Variants in OPCML observed in about 807,000 individuals in gnomAD.
OPCML encodes opioid-binding protein/cell adhesion molecule.
OPCML carries 13 observed loss-of-function variants against 37.8 expected under a neutral mutation model. The observed-to-expected ratio is 0.34, with a 90% CI of 0.22 to 0.55. The LOEUF (loss-of-function observed/expected upper bound fraction) is 0.55. Among genes scored for constraint, OPCML ranks in the 20% least tolerant of loss-of-function variants. The pLI is 0.91. For synonymous variants in OPCML, 176 were observed against 168.8 expected (o/e 1.04, Z -0.33); for missense variants, 341 against 435.6 (o/e 0.78, Z 1.93).
chr11:132,763,677 CAG>C (rs1422438429), intron 2 of OPCML, among the ~76,000 whole-genome samples: 1 of 152,162 alleles, frequency 6.6e-6, no homozygotes, highest in East Asian at 1.9e-4. Flanking sequence ...AAAAAGAACG[CAG>C]ACAGACACAG....
At chr11:132,499,702 A>G (rs74506863) in intron 4 of OPCML, among the ~76,000 whole-genome samples, 5,248 of 152,288 alleles carry the variant, frequency 0.034, 298 homozygotes, top group African/African-American at 0.12. Context: ...ACTGGAAAAC[A>G]GAGATGTGCA....
chr11:132,821,785 C>A (rs1940002237), intron 2 of OPCML, among the ~76,000 whole-genome samples: 1 of 152,174 alleles, frequency 6.6e-6, no homozygotes. Flanking sequence ...CCCTTCCTCC[C>A]CTTCTCACCC....
intron 1 of OPCML, among the ~76,000 whole-genome samples, chr11:133,388,584 A>G (rs933452461): frequency 6.6e-6 from 1 of 152,220 alleles, no homozygotes; most frequent in Non-Finnish European, 1.5e-5. Context: ...AAGGGTGTTC[A>G]GCCAGGAATG....
chr11:132,892,432 G>A (rs942423383), intron 2 of OPCML, among the ~76,000 whole-genome samples: 3 of 152,134 alleles, frequency 2.0e-5, no homozygotes, highest in South Asian at 2.1e-4. Context: ...TAACTACATC[G>A]ATGTGCATTA....
chr11:133,486,725 G>A (rs950096078), intron 1 of OPCML, among the ~76,000 whole-genome samples: 9 of 152,006 alleles, frequency 5.9e-5, no homozygotes, highest in Admixed American at 2.0e-4. Flanking sequence ...GCCTCTTGCC[G>A]TCTCTACTCG....
chr11:132,566,275 T>C (rs1484877316), intron 3 of OPCML, among the ~76,000 whole-genome samples: 2 of 152,260 alleles, frequency 1.3e-5, no homozygotes, highest in East Asian at 3.8e-4. Flanking sequence ...TGTATATGTA[T>C]AATTAAGGAA....
At chr11:132,478,389 T>C (rs1274602287) in intron 4 of OPCML, among the ~76,000 whole-genome samples, 2 of 152,004 alleles carry the variant, frequency 1.3e-5, no homozygotes, top group East Asian at 1.9e-4. Flanking sequence ...ATAAGTGCAG[T>C]GTATGATGAT....
chr11:133,423,280 A>G (rs1426776073), intron 1 of OPCML: 1 of 985,272 alleles, frequency 1.0e-6, no homozygotes, highest in African/African-American at 1.7e-5. Context: ...AGCAATTGGA[A>G]TTTTAGGCAG....
intron 1 of OPCML, among the ~76,000 whole-genome samples, chr11:133,414,538 A>G (rs1291550956): frequency 6.6e-6 from 1 of 152,122 alleles, no homozygotes; most frequent in Non-Finnish European, 1.5e-5. Flanking sequence ...GTTGACAAAA[A>G]TAAACTGAAA....
intron 3 of OPCML, among the ~76,000 whole-genome samples, chr11:132,651,513 C>T (rs922239010): frequency 5.9e-5 from 9 of 152,162 alleles, no homozygotes; most frequent in African/African-American, 2.2e-4. Context: ...GCTGCATCAG[C>T]GTTGGGTAAG....
At chr11:132,959,079 C>A (rs180827105) in intron 1 of OPCML, among the ~76,000 whole-genome samples, 8 of 152,324 alleles carry the variant, frequency 5.3e-5, no homozygotes, top group African/African-American at 1.9e-4. Flanking sequence ...GGAAAAGATT[C>A]ACCATGCTAA....
At chr11:132,574,632 A>T (rs1434782899) in intron 3 of OPCML, among the ~76,000 whole-genome samples, 3 of 151,990 alleles carry the variant, frequency 2.0e-5, no homozygotes, top group African/African-American at 7.2e-5. Context: ...TATATTTAGT[A>T]TAATTTCAAT....
chr11:133,128,379 C>T (rs918854599), intron 1 of OPCML, among the ~76,000 whole-genome samples: 24 of 152,042 alleles, frequency 1.6e-4, no homozygotes, highest in South Asian at 6.2e-4. Flanking sequence ...CCTTCCATTT[C>T]GAATGTAAAA....
At chr11:133,250,944 C>G (rs563280274) in intron 1 of OPCML, among the ~76,000 whole-genome samples, 1 of 152,134 alleles carries the variant, frequency 6.6e-6, no homozygotes, top group East Asian at 1.9e-4. Flanking sequence ...CACTGCCACA[C>G]CAAGCAGGAG....
At position 133,493,007 on chromosome 11, in the gene OPCML, C is replaced by T. The variant is rs190368245; in HGVS notation, c.61+39257G>A. Among the ~76,000 whole-genome samples, 657 of 152,332 alleles carry T rather than the reference C, an allele frequency of 4.3e-3. 4 individuals are homozygous for T. The highest frequency in any genetic ancestry group is 8.3e-3 in the Non-Finnish European group (564 of 68,028). On this transcript the variant is annotated intron_variant, in intron 1 of 7. Transcript: ENST00000524381. ...GAAGGGTTCAGTTAGGCTCTGCTCC[C>T]TTTGGGAAGGACCACCTGTCAGTCC...
At chr11:132,676,789 G>GAAAAAAAAAA (rs1196087295) in intron 2 of OPCML, among the ~76,000 whole-genome samples, 1 of 93,782 alleles carries the variant, frequency 1.1e-5, no homozygotes, top group Non-Finnish European at 2.4e-5. Context: ...AAACAAACAA[G>GAAAAAAAAAA]AAAAAAAAAA....
chr11:133,049,201 T>G (rs1177420309), intron 1 of OPCML, among the ~76,000 whole-genome samples: 2 of 152,162 alleles, frequency 1.3e-5, no homozygotes, highest in Non-Finnish European at 2.9e-5. Context: ...AGACTATTAA[T>G]TACATAAAAA....
At chr11:132,520,674 A>ATGTG (rs1555144701) in intron 4 of OPCML, among the ~76,000 whole-genome samples, 4,073 of 128,060 alleles carry the variant, frequency 0.032, 62 homozygotes, top group South Asian at 0.062. Flanking sequence ...CTAAATATAT[A>ATGTG]TGTGTGTGTG....
At chr11:133,273,203 C>T (rs986615157) in intron 1 of OPCML, among the ~76,000 whole-genome samples, 5 of 152,170 alleles carry the variant, frequency 3.3e-5, no homozygotes, top group Admixed American at 2.6e-4. Context: ...AAACCAGCAC[C>T]TTCTCTTAGG....
Sources: allele counts gnomAD v4.1 joint callset (sites outside exome capture counted in the v4.1 genomes callset), GRCh38; gene constraint gnomAD v4.1.1; transcripts MANE v1.5; gene names NCBI Gene and HGNC (gene_info 2026-07-23, HGNC 2026-07-21).